Variants in LTBP3 observed in about 807,000 individuals in gnomAD.
LTBP3 encodes latent-transforming growth factor beta-binding protein 3.
In LTBP3, 97 loss-of-function variants were observed where a neutral mutation model predicts 159.7. The ratio of observed to expected loss-of-function variants is 0.61; its 90% CI spans 0.52 to 0.72. The LOEUF is 0.72. LTBP3 is among the 30% of genes least tolerant of loss of function. The pLI, the probability that LTBP3 is intolerant of heterozygous loss-of-function variation, is 0.00. For synonymous variants in LTBP3, 824 were observed against 777.1 expected (o/e 1.06, Z -1.00); for missense variants, 1,584 against 1,864.3 (o/e 0.85, Z 2.77).
chr11:65,552,960 C>T lies in LTBP3; in HGVS notation c.1086G>A (p.Pro362=), dbSNP rs1253655887. 6 of 1,614,060 alleles carry T rather than the reference C, an allele frequency of 3.7e-6. No individual in the cohort carries two copies. The highest frequency in any genetic ancestry group is 2.2e-5 in the South Asian group (2 of 91,090). ...GGCAGTCACCATGGCGACACACGCC[C>T]GGCATTGCGCACTCGTTGATGTCTG... ...HCQDINECAM[P]GVCRHGDCLN... The change falls in exon 6 of 28, where the codon CCG becomes CCA. Residue 362 remains proline, a synonymous_variant. Coordinates refer to ENST00000301873, the MANE Select transcript of LTBP3 (RefSeq NM_001130144.3). The surrounding 1 kb of genome is among the most constrained non-coding windows in gnomAD (Gnocchi z 6.0).
chr11:65,551,835 C>A, intron 8 of LTBP3, 137 bp downstream of exon 8: 1 of 1,087,754 alleles, frequency 9.2e-7, no homozygotes. Context: ...GTCAGAGGGT[C>A]AGGTGGGAGG....
Position 65,552,788 on chromosome 11 carries a change from C to T in LTBP3, c.1186+72G>A. 6.2e-7 allele frequency: 1 copy of T among 1,610,244 alleles called. No individual in the cohort carries two copies. Among genetic ancestry groups the T allele is most frequent in the Admixed American group, 1.7e-5 (1 of 59,974 alleles). Reference sequence around the variant, plus strand: ...AGTCAACCCTTAACCCCACTCTGATCTCTTGCGATCTCTGATCCTTGCTCC... The same window carrying T: ...AGTCAACCCTTAACCCCACTCTGATTTCTTGCGATCTCTGATCCTTGCTCC... On this transcript the variant is annotated intron_variant, in intron 6 of 27. Transcript: ENST00000301873. This position sits in a 1 kb window ranked among gnomAD's most constrained non-coding sequence, Gnocchi z 6.0.
Position 65,546,836 on chromosome 11 carries a change from T to C in LTBP3, c.2192A>G (p.Gln731Arg). 1 of 1,609,954 alleles carries C rather than the reference T, an allele frequency of 6.2e-7. No individual in the cohort carries two copies. The highest frequency in any genetic ancestry group is 8.5e-7 in the Non-Finnish European group (1 of 1,179,764). ...GCCCCCCTGGCTGCGGTAGCCAGGC[T>C]GACAGGCGATGCACTTGAAGCTCCC... ...KPGSFKCIAC[Q>R]PGYRSQGGGA... The change falls in exon 15 of 28, where the codon CAG (glutamine) becomes CGG (arginine). Residue 731 changes from glutamine to arginine, a missense_variant. Gln to Arg is a conservative substitution (Grantham distance 43, BLOSUM62 1). Transcript: ENST00000301873. This position sits in a 1 kb window ranked among gnomAD's most constrained non-coding sequence, Gnocchi z 4.0.
chr11:65,556,151 C>T (rs913019183), intron 1 of LTBP3, among the ~76,000 whole-genome samples: 6 of 152,160 alleles, frequency 3.9e-5, no homozygotes, highest in Admixed American at 3.3e-4. Context: ...GGGAGATGGA[C>T]ACACGTACAC....
rs1411544844 is a variant in LTBP3 at position 65,538,953 on chromosome 11, G to A, written c.*127C>T. 7.6e-6 allele frequency: 10 copies of A among 1,313,766 alleles called. No individual in the cohort carries two copies. In the Admixed American group the frequency reaches 2.7e-4, roughly 36 times the overall value. 81.4% of individuals were successfully genotyped at this position (1,313,766 alleles called of 1,614,324 possible). A position where few individuals can be genotyped will look rare whatever the true frequency, so the allele number is the denominator to read the frequency against. ...GTAGGGGCGCCTCGGGTCTCAAGGC[G>A]CCGGGAGGGTCTGCGGGCCCTGAAG... On this transcript the variant is annotated 3_prime_UTR_variant, in exon 28 of 28. Transcript: ENST00000301873.
chr11:65,543,222 T>C lies in LTBP3; in HGVS notation c.2479A>G (p.Ile827Val), dbSNP rs766516823. The C allele has an allele frequency of 1.9e-6, 3 of 1,614,086 alleles. No individual in the cohort carries two copies. Among genetic ancestry groups the C allele is most frequent in the African/African-American group, 1.3e-5 (1 of 75,026 alleles). Reference sequence around the variant, plus strand: ...GCTGCAGGGAAGTCACACTCATCAATGTCTGTAGGGGATGGAAGGGGTGGA... The same window carrying C: ...GCTGCAGGGAAGTCACACTCATCAACGTCTGTAGGGGATGGAAGGGGTGGA... Reference protein sequence around the residue: ...LSRDRSHCEDIDECDFPAACI... With the variant: ...LSRDRSHCEDVDECDFPAACI... Residue 827 changes from isoleucine to valine, a missense_variant and splice_region_variant, in exon 18 of 28, where the codon ATT (isoleucine) becomes GTT (valine). Physicochemically the swap from Ile to Val is conservative, Grantham distance 29. This residue lies in a region of LTBP3 where 565 missense variants were observed against 677.7 expected (regional missense o/e 0.83). Transcript: ENST00000301873.
chr11:65,554,047 G>A lies in LTBP3; in HGVS notation c.661+4C>T. 1 of 1,600,850 alleles carries A rather than the reference G, an allele frequency of 6.2e-7. No individual in the cohort carries two copies. Among genetic ancestry groups the A allele is most frequent in the Non-Finnish European group, 8.5e-7 (1 of 1,179,240 alleles). On this transcript the variant is annotated splice_donor_region_variant and intron_variant, in intron 2 of 27. Transcript: ENST00000301873. The surrounding 1 kb of genome is among the most constrained non-coding windows in gnomAD (Gnocchi z 5.3). ...CCTTCCCGGGTTTGCCAGTTGCCTG[G>A]TACCTTCTGCTGAGATCTGTCCCGG...
At position 65,552,084 on chromosome 11, in the gene LTBP3, C is replaced by T; in HGVS notation, c.1419G>A (p.Gln473=). The change falls in exon 8 of 28, where the codon CAG becomes CAA. Residue 473 remains glutamine, a synonymous_variant. Transcript: ENST00000301873. This position sits in a 1 kb window ranked among gnomAD's most constrained non-coding sequence, Gnocchi z 6.0. ...ILTSHQTLTI[Q]GESDFSLFLH... Reference sequence around the variant, plus strand: ...GGAAAAGGGAAAAGTCACTCTCGCCCTGAATGGTGAGCGTCTGGTGGGAGG... The same window carrying T: ...GGAAAAGGGAAAAGTCACTCTCGCCTTGAATGGTGAGCGTCTGGTGGGAGG... 3 of 1,614,178 alleles carry T rather than the reference C, an allele frequency of 1.9e-6. No individual in the cohort carries two copies. Among genetic ancestry groups the T allele is most frequent in the Non-Finnish European group, 2.5e-6 (3 of 1,180,028 alleles).
At chr11:65,556,626 C>T (rs1856820707) in intron 1 of LTBP3, among the ~76,000 whole-genome samples, 1 of 152,236 alleles carries the variant, frequency 6.6e-6, no homozygotes. Flanking sequence ...CAGTGTGCCA[C>T]GCCATGCCCA....
Position 65,539,224 on chromosome 11 carries a change from G to A in LTBP3, c.3768C>T (p.Asp1256=), listed in dbSNP as rs780866493. Reference sequence around the variant, plus strand: ...CGCGCTGGTTCAGCTCTCGGCACTCGTCGATATCTGAAGGTGAGGGCGACA... The same window carrying A: ...CGCGCTGGTTCAGCTCTCGGCACTCATCGATATCTGAAGGTGAGGGCGACA... ...DASRARCVDI[D]ECRELNQRGL... is the part of the protein sequence containing the mutation. The change falls in exon 28 of 28, where the codon GAC becomes GAT. Residue 1256 remains aspartate, a synonymous_variant. Transcript: ENST00000301873. 8.0e-5 allele frequency: 122 copies of A among 1,526,830 alleles called. No homozygotes were observed. The highest frequency in any genetic ancestry group is 7.0e-4 in the Middle Eastern group (4 of 5,680). 94.6% of individuals were successfully genotyped at this position (1,526,830 alleles called of 1,614,324 possible). A position where few individuals can be genotyped will look rare whatever the true frequency, so the allele number is the denominator to read the frequency against.
rs875989823 is a variant in LTBP3, at chr11:65,551,971, C to A, written c.1531+1G>T. On this transcript the variant is annotated splice_donor_variant, in intron 8 of 27. Coordinates refer to ENST00000301873, the MANE Select transcript of LTBP3 (RefSeq NM_001130144.3). LOFTEE classifies it high-confidence loss of function. ...AGGGATCAGAAGGGGTCAGGCTAGA[C>A]CTCTCTCTTCCTCTGTGTCCTCAGG... 6.2e-7 allele frequency: 1 copy of A among 1,613,874 alleles called. No homozygotes were observed. Among genetic ancestry groups the A allele is most frequent in the Non-Finnish European group, 8.5e-7 (1 of 1,179,970 alleles).
At chr11:65,542,980 G>GGATGGATA in intron 18 of LTBP3, 125 bp downstream of exon 18, 1 of 1,056,308 alleles carries the variant, frequency 9.5e-7, no homozygotes, top group African/African-American at 1.7e-5. Flanking sequence ...ATGGATAGAT[G>GGATGGATA]GATGGATGGA....
rs1285542119 is a variant in LTBP3 at position 65,547,485 on chromosome 11, G to A, written c.2061C>T (p.Cys687=). The A allele has an allele frequency of 1.9e-6, 3 of 1,614,072 alleles. No homozygotes were observed. Among genetic ancestry groups the A allele is most frequent in the African/African-American group, 2.7e-5 (2 of 74,948 alleles). The part of the protein sequence containing the change: ...INFPGHYKCN[C]YPGYRLKASR... ...AGGCTTTGAGCCGGTAGCCGGGGTA[G>A]CAGTTGCACTTGTAGTGACCGGGAA... Residue 687 remains cysteine, a synonymous_variant, in exon 14 of 28, where the codon TGC becomes TGT. Transcript: ENST00000301873. This position sits in a 1 kb window ranked among gnomAD's most constrained non-coding sequence, Gnocchi z 4.6.
In LTBP3 at chr11:65,543,466, A is replaced by G; in HGVS notation, c.2437T>C (p.Ser813Pro). The change falls in exon 17 of 28, where the codon TCT becomes CCT. Residue 813 changes from serine to proline, a missense_variant. Coordinates refer to ENST00000301873, the MANE Select transcript of LTBP3 (RefSeq NM_001130144.3). ...TPGSFQCQCL[S>P]GYHLSRDRSH... ...CGGTCCCTGGACAGATGGTAGCCAG[A>G]GAGGCACTGACACTGGAAAGATCCT... The G allele has an allele frequency of 6.2e-7, 1 of 1,614,114 alleles. No homozygotes were observed. The highest frequency in any genetic ancestry group is 8.5e-7 in the Non-Finnish European group (1 of 1,179,978).
At chr11:65,544,218 T>C (rs1856273348) in intron 16 of LTBP3, 1 of 158,912 alleles carries the variant, frequency 6.3e-6, no homozygotes, top group African/African-American at 2.4e-5. Flanking sequence ...TTTTCATCAC[T>C]CAGATCTGCT....
Position 65,539,062 on chromosome 11 carries a change from AG to A in LTBP3, c.*17del. 7.4e-7 allele frequency: 1 copy of A among 1,358,250 alleles called. No homozygotes were observed. Among genetic ancestry groups the A allele is most frequent in the Admixed American group, 3.7e-5 (1 of 27,308 alleles). The allele number at this position is 1,358,250 out of a possible 1,614,324, so 84.1% of individuals were successfully genotyped here. A position where few individuals can be genotyped will look rare whatever the true frequency, so the allele number is the denominator to read the frequency against. Reference sequence around the variant, plus strand: ...TCAGTGATCACCGAGGTCTGGGCCGAGGGCGGCGTCGGCGGCGTCAGCGGCG... The same window carrying A: ...TCAGTGATCACCGAGGTCTGGGCCGAGGCGGCGTCGGCGGCGTCAGCGGCG... On this transcript the variant is annotated 3_prime_UTR_variant, in exon 28 of 28. Coordinates refer to ENST00000301873, the MANE Select transcript of LTBP3 (RefSeq NM_001130144.3).
intron 10 of LTBP3, 44 bp downstream of exon 10, chr11:65,551,358 G>C: frequency 1.9e-6 from 3 of 1,603,894 alleles, no homozygotes; most frequent in Non-Finnish European, 2.5e-6. Context: ...CGCCCACCCA[G>C]TGATTTAGCC....
Position 65,552,899 on chromosome 11 carries a change from G to A in LTBP3, c.1147C>T (p.Pro383Ser), listed in dbSNP as rs780284773. ...NPGSYRCVCP[P>S]GHSLGPSRTQ... ...CGGGAGGGGCCTAAACTATGGCCAG[G>A]TGGGCAGACACAGCGATAGGAGCCA... Residue 383 changes from proline to serine, a missense_variant, in exon 6 of 28, where the codon CCT becomes TCT. Pro to Ser is a moderately conservative substitution (Grantham distance 74, BLOSUM62 -1). Coordinates refer to ENST00000301873, the MANE Select transcript of LTBP3 (RefSeq NM_001130144.3). This position sits in a 1 kb window ranked among gnomAD's most constrained non-coding sequence, Gnocchi z 6.0. The A allele has an allele frequency of 6.2e-7, 1 of 1,614,248 alleles. No individual in the cohort carries two copies. Among genetic ancestry groups the A allele is most frequent in the South Asian group, 1.1e-5 (1 of 91,090 alleles).
In LTBP3 at chr11:65,538,961, G is replaced by A; in HGVS notation, c.*119C>T. 1 of 1,315,870 alleles carries A rather than the reference G, an allele frequency of 7.6e-7. No individual in the cohort carries two copies. Among genetic ancestry groups the A allele is most frequent in the Non-Finnish European group, 9.7e-7 (1 of 1,033,830 alleles). 81.5% of individuals were successfully genotyped at this position (1,315,870 alleles called of 1,614,324 possible). A position where few individuals can be genotyped will look rare whatever the true frequency, so the allele number is the denominator to read the frequency against. On this transcript the variant is annotated 3_prime_UTR_variant, in exon 28 of 28. Coordinates refer to ENST00000301873, the MANE Select transcript of LTBP3 (RefSeq NM_001130144.3). ...GCCTCGGGTCTCAAGGCGCCGGGAG[G>A]GTCTGCGGGCCCTGAAGGTCCCTGG...
Sources: gnomAD v4.1 joint callset for allele counts (sites outside exome capture counted in the v4.1 genomes callset) on GRCh38, gnomAD v4.1.1 for gene constraint, gnomAD v4.1.1 regional missense constraint, Gnocchi (gnomAD v3.1) non-coding constraint, MANE v1.5 for transcripts, NCBI Gene and HGNC (gene_info 2026-07-23, HGNC 2026-07-21) for gene names.